KCNIP1: variants seen among roughly 807,000 people sequenced by gnomAD.
KCNIP1 encodes the protein A-type potassium channel modulatory protein KCNIP1.
A neutral mutation model predicts 33.0 loss-of-function variants in KCNIP1; 18 were observed. That is an observed-to-expected ratio of 0.55 (90% confidence interval 0.38 to 0.81). The LOEUF is 0.81. Among genes scored for constraint, KCNIP1 ranks in the 30% least tolerant of loss-of-function variants. KCNIP1 has a pLI of 0.00. For synonymous variants in KCNIP1, 93 were observed against 98.3 expected (o/e 0.95, Z 0.32); for missense variants, 238 against 271.6 (o/e 0.88, Z 0.87).
intron 1 of KCNIP1, among the ~76,000 whole-genome samples, chr5:170,716,629 A>T (rs78507939): frequency 0.025 from 3,736 of 152,350 alleles, 65 homozygotes; most frequent in Non-Finnish European, 0.032. Flanking sequence ...CTACCCAGAC[A>T]GCAAACAACT....
Position 170,509,336 on chromosome 5 carries a change from A to G in KCNIP1, c.61+4703A>G, listed in dbSNP as rs575589404. On this transcript the variant is annotated intron_variant, in intron 1 of 7. Coordinates refer to ENST00000328939, the MANE Select transcript of KCNIP1 (RefSeq NM_014592.4). The stretch of plus-strand genomic sequence containing the variant: ...GTCCCTCAATCCCAGAAGAAGCTCA[A>G]TGGAGCTCAAGATAAACAGAAAGAG... Among the ~76,000 whole-genome samples, 46 of 152,106 alleles carry G rather than the reference A, an allele frequency of 3.0e-4. 1 individual carries two copies. In the Middle Eastern group the frequency reaches 0.014, roughly 45 times the overall value.
intron 1 of KCNIP1, among the ~76,000 whole-genome samples, chr5:170,434,478 C>CA (rs1341367923): frequency 6.6e-6 from 1 of 152,150 alleles, no homozygotes. Flanking sequence ...TACCTCTCCC[C>CA]AGGAGATCAG....
intron 1 of KCNIP1, among the ~76,000 whole-genome samples, chr5:170,471,211 T>C (rs1284735970): frequency 6.6e-6 from 1 of 152,168 alleles, no homozygotes; most frequent in Non-Finnish European, 1.5e-5. Flanking sequence ...TCTCGCCCCC[T>C]ATCTTGAACT....
chr5:170,525,955 C>T (rs1354738960), intron 1 of KCNIP1, among the ~76,000 whole-genome samples: 2 of 152,198 alleles, frequency 1.3e-5, no homozygotes, highest in African/African-American at 4.8e-5. Context: ...GCTGAGGATG[C>T]CAGCACCAAC....
upstream of KCNIP1, among the ~76,000 whole-genome samples, chr5:170,503,144 C>T (rs1057011322): frequency 6.6e-6 from 1 of 152,126 alleles, no homozygotes; most frequent in African/African-American, 2.4e-5. Context: ...AATCTCAGCA[C>T]TTTGGGAGGC....
At chr5:170,500,148 C>A (rs1757382669), upstream of KCNIP1, among the ~76,000 whole-genome samples, 1 of 152,170 alleles carries the variant, frequency 6.6e-6, no homozygotes, top group Admixed American at 6.5e-5. Context: ...CACATGGTAT[C>A]TTTGTGCGTG....
chr5:170,673,304 T>C (rs1002599790), intron 1 of KCNIP1, among the ~76,000 whole-genome samples: 1 of 152,254 alleles, frequency 6.6e-6, no homozygotes, highest in Non-Finnish European at 1.5e-5. Context: ...GTTCTACCAC[T>C]TACTAGCTGT....
chr5:170,588,784 G>A (rs781126608), intron 1 of KCNIP1, among the ~76,000 whole-genome samples: 4 of 152,180 alleles, frequency 2.6e-5, no homozygotes, highest in Non-Finnish European at 4.4e-5. Context: ...CAAGGTCAGT[G>A]AGGGGGGAAA....
chr5:170,497,455 C>T (rs1757331038), intron 1 of KCNIP1, among the ~76,000 whole-genome samples: 1 of 152,132 alleles, frequency 6.6e-6, no homozygotes, highest in Non-Finnish European at 1.5e-5. Context: ...GTTTCTTCAC[C>T]AACTGTCCAA....
chr5:170,353,618 A>C lies in KCNIP1; in HGVS notation c.-259A>C, dbSNP rs939263707. On this transcript the variant is annotated 5_prime_UTR_variant, in exon 1 of 8. Coordinates refer to the KCNIP1 transcript ENST00000377360. ...GTGCTGTCCCGGCCCTGGCATCCTGAGGTCCTCCCGTGGTGAGGACTTAAG... is the reference window on the plus strand; with the variant it reads ...GTGCTGTCCCGGCCCTGGCATCCTGCGGTCCTCCCGTGGTGAGGACTTAAG... The C allele has an allele frequency of 1.1e-5, 6 of 555,344 alleles. No individual in the cohort carries two copies. In the African/African-American group the frequency reaches 1.1e-4, roughly 11 times the overall value. The allele number at this position is 555,344 out of a possible 1,614,324, so 34.4% of individuals were successfully genotyped here.
intron 1 of KCNIP1, among the ~76,000 whole-genome samples, chr5:170,534,002 C>T (rs1403780215): frequency 6.6e-6 from 1 of 152,220 alleles, no homozygotes; most frequent in Non-Finnish European, 1.5e-5. Context: ...TGCCCAGACT[C>T]ACTTTGCAGC....
chr5:170,696,737 A>C (rs1487948654), intron 1 of KCNIP1, among the ~76,000 whole-genome samples: 2 of 152,206 alleles, frequency 1.3e-5, no homozygotes, highest in Non-Finnish European at 2.9e-5. Context: ...TTGGGGGAAC[A>C]GCAAGTATTT....
intron 1 of KCNIP1, among the ~76,000 whole-genome samples, chr5:170,698,355 G>C (rs1303837056): frequency 6.6e-6 from 1 of 152,202 alleles, no homozygotes; most frequent in African/African-American, 2.4e-5. Context: ...AAAGTTCATG[G>C]AATAGAATGC....
At chr5:170,624,723 CCGGGGAGGTGGGGGGGGAGAGGGGAG>C (rs1759748787) in intron 1 of KCNIP1, among the ~76,000 whole-genome samples, 2 of 34,618 alleles carry the variant, frequency 5.8e-5, no homozygotes, top group Non-Finnish European at 5.3e-5. Context: ...GGAAAGGAGA[CCGGGGAGGTGGGGGGGGAGAGGGGAG>C]GGGAGGAGAG....
At chr5:170,589,713 G>GTGTGA (rs1561703554) in intron 1 of KCNIP1, among the ~76,000 whole-genome samples, 1 of 138,098 alleles carries the variant, frequency 7.2e-6, no homozygotes, top group African/African-American at 2.8e-5. Context: ...GTTTGGTTTG[G>GTGTGA]TGTGGTGTGA....
chr5:170,537,541 A>AC (rs1222589659), intron 1 of KCNIP1, among the ~76,000 whole-genome samples: 2 of 151,818 alleles, frequency 1.3e-5, no homozygotes, highest in Non-Finnish European at 2.9e-5. Flanking sequence ...TGTCCTCAGG[A>AC]CCCCCTCTCC....
At chr5:170,525,334 T>C (rs1349595357) in intron 1 of KCNIP1, among the ~76,000 whole-genome samples, 1 of 152,192 alleles carries the variant, frequency 6.6e-6, no homozygotes, top group East Asian at 1.9e-4. Flanking sequence ...CTTCTGTAAA[T>C]GGAAGATCAT....
At chr5:170,624,727 G>GGGGT (rs1287768242) in intron 1 of KCNIP1, among the ~76,000 whole-genome samples, 6 of 97,346 alleles carry the variant, frequency 6.2e-5, no homozygotes, top group African/African-American at 2.5e-4. Context: ...AGGAGACCGG[G>GGGGT]GAGGTGGGGG....
At chr5:170,470,188 C>T (rs1581220937) in intron 1 of KCNIP1, among the ~76,000 whole-genome samples, 1 of 152,166 alleles carries the variant, frequency 6.6e-6, no homozygotes, top group African/African-American at 2.4e-5. Context: ...CTCCTTTCCT[C>T]CTCTCTTCTA....
Sources: gnomAD v4.1 joint callset for allele counts (sites outside exome capture counted in the v4.1 genomes callset) on GRCh38, gnomAD v4.1.1 for gene constraint, MANE v1.5 for transcripts, NCBI Gene and HGNC (gene_info 2026-07-23, HGNC 2026-07-21) for gene names.